The following CDYL2 variants were observed in gnomAD, a reference collection of about 807,000 sequenced individuals.
The protein encoded by CDYL2 is chromodomain Y like 2, also known as chromodomain Y-like protein 2.
Under a neutral mutation model 49.4 loss-of-function variants are expected in CDYL2, and 23 were observed. The ratio of observed to expected loss-of-function variants is 0.47; its 90% CI spans 0.34 to 0.66. CDYL2 has a LOEUF of 0.66. CDYL2 is among the 30% of genes least tolerant of loss of function. The pLI is 0.01. For missense variants in CDYL2, 678 were observed against 656.4 expected, an observed-to-expected ratio of 1.03 and a Z score of -0.36; for synonymous variants, 360 against 268.8, an observed-to-expected ratio of 1.34 and a Z score of -3.32.
At chr16:80,660,237 G>T (rs1908986719) in intron 2 of CDYL2, among the ~76,000 whole-genome samples, 1 of 151,926 alleles carries the variant, frequency 6.6e-6, no homozygotes, top group Non-Finnish European at 1.5e-5. Context: ...TAAAAAAATA[G>T]ATTTTTAAAA....
intron 1 of CDYL2, among the ~76,000 whole-genome samples, chr16:80,764,415 T>C (rs1288185744): frequency 1.3e-5 from 2 of 152,032 alleles, no homozygotes; most frequent in Non-Finnish European, 1.5e-5. Flanking sequence ...TGTCACAATC[T>C]CCCCAAATTA....
intron 1 of CDYL2, among the ~76,000 whole-genome samples, chr16:80,718,842 G>A (rs796709142): frequency 6.6e-5 from 10 of 152,302 alleles, no homozygotes; most frequent in African/African-American, 2.4e-4. Context: ...GTACTGACAA[G>A]AGCAGGGGAG....
At chr16:80,694,124 C>T (rs994074692) in intron 1 of CDYL2, among the ~76,000 whole-genome samples, 2 of 152,220 alleles carry the variant, frequency 1.3e-5, no homozygotes, top group African/African-American at 4.8e-5. Context: ...ACTGTTCCAC[C>T]TCAGATCATC....
intron 3 of CDYL2, 149 bp from the exon 4 acceptor site, chr16:80,621,084 C>G (rs1907065342): frequency 3.7e-6 from 3 of 813,246 alleles, no homozygotes; most frequent in South Asian, 4.6e-5. Flanking sequence ...CCCCTGAGTA[C>G]AAGCAAGAGT....
intron 1 of CDYL2, chr16:80,735,058 T>C (rs957884137): frequency 2.0e-5 from 3 of 152,242 alleles, no homozygotes; most frequent in Non-Finnish European, 4.4e-5. Context: ...CCTTAACTTC[T>C]TCCTTGATAC....
At chr16:80,615,935 G>A (rs1244058145) in intron 4 of CDYL2, among the ~76,000 whole-genome samples, 1 of 152,086 alleles carries the variant, frequency 6.6e-6, no homozygotes, top group African/African-American at 2.4e-5. Context: ...ATTGCATTAC[G>A]GGCCCTGCAG....
intron 2 of CDYL2, among the ~76,000 whole-genome samples, chr16:80,642,482 C>G (rs1485796516): frequency 5.3e-5 from 8 of 152,104 alleles, no homozygotes; most frequent in Non-Finnish European, 7.4e-5. Context: ...TTGTTTGTTT[C>G]TTTATGCAAA....
At chr16:80,699,173 G>A (rs1176360808) in intron 1 of CDYL2, among the ~76,000 whole-genome samples, 2 of 152,098 alleles carry the variant, frequency 1.3e-5, no homozygotes, top group African/African-American at 2.4e-5. Context: ...TCCAAAGGAA[G>A]GAAAATCAGT....
intron 2 of CDYL2, among the ~76,000 whole-genome samples, chr16:80,666,404 G>C (rs984824384): frequency 2.6e-5 from 4 of 152,196 alleles, no homozygotes; most frequent in Admixed American, 2.0e-4. Flanking sequence ...CTCTCTCATA[G>C]CAAAGAACTG....
intron 1 of CDYL2, among the ~76,000 whole-genome samples, chr16:80,717,860 T>G (rs1184807125): frequency 6.6e-6 from 1 of 152,220 alleles, no homozygotes; most frequent in Non-Finnish European, 1.5e-5. Context: ...TGTGACAAAG[T>G]TCCTAGAACA....
chr16:80,608,082 A>C lies in CDYL2; in HGVS notation c.1362+10T>G. On this transcript the variant is annotated intron_variant, in intron 6 of 6. Coordinates refer to ENST00000570137, the MANE Select transcript of CDYL2 (RefSeq NM_152342.4). ...AAAAGGACAAGCACGCAGGAGGCGC[A>C]GGAACTCACCACGGCACTGCAGGAT... 1 of 1,565,956 alleles carries C rather than the reference A, an allele frequency of 6.4e-7. No individual in the cohort carries two copies. The highest frequency in any genetic ancestry group is 8.7e-7 in the Non-Finnish European group (1 of 1,154,166).
chr16:80,662,305 A>T (rs2142436849), intron 2 of CDYL2, among the ~76,000 whole-genome samples: 1 of 152,178 alleles, frequency 6.6e-6, no homozygotes, highest in East Asian at 1.9e-4. Flanking sequence ...GTGGCTTGAG[A>T]CATCAGAACA....
At chr16:80,737,707 C>T (rs1050298171) in intron 1 of CDYL2, among the ~76,000 whole-genome samples, 1 of 152,164 alleles carries the variant, frequency 6.6e-6, no homozygotes, top group Non-Finnish European at 1.5e-5. Flanking sequence ...GGCTGGGCTG[C>T]ACATCCAGAG....
At chr16:80,672,868 AT>A (rs765918342) in intron 2 of CDYL2, among the ~76,000 whole-genome samples, 3 of 152,210 alleles carry the variant, frequency 2.0e-5, no homozygotes, top group Non-Finnish European at 4.4e-5. Flanking sequence ...AATTGCTGTT[AT>A]TGTCATTATT....
chr16:80,725,994 T>C (rs1272730511), intron 1 of CDYL2, among the ~76,000 whole-genome samples: 1 of 152,208 alleles, frequency 6.6e-6, no homozygotes, highest in Non-Finnish European at 1.5e-5. Context: ...AAGTGTTCCT[T>C]AGAATTTATT....
intron 1 of CDYL2, among the ~76,000 whole-genome samples, chr16:80,750,071 A>G (rs1597114683): frequency 7.4e-6 from 1 of 135,714 alleles, no homozygotes; most frequent in Admixed American, 7.5e-5. Context: ...AACATCACAC[A>G]CCGGGGCCTG....
At chr16:80,762,958 T>C (rs1309855288) in intron 1 of CDYL2, among the ~76,000 whole-genome samples, 2 of 152,202 alleles carry the variant, frequency 1.3e-5, no homozygotes, top group East Asian at 1.9e-4. Flanking sequence ...ATATATTTAA[T>C]AATGTGTCTT....
intron 1 of CDYL2, among the ~76,000 whole-genome samples, chr16:80,749,325 G>A (rs1380462893): frequency 2.0e-5 from 3 of 152,076 alleles, no homozygotes; most frequent in Non-Finnish European, 4.4e-5. Flanking sequence ...AAAGCAGTTG[G>A]TCACCTGCCT....
chr16:80,712,138 C>CATATATGTGTATATACATGTGTGTAT (rs1904629020), intron 1 of CDYL2, among the ~76,000 whole-genome samples: 1 of 108,472 alleles, frequency 9.2e-6, no homozygotes, highest in Non-Finnish European at 2.0e-5. Flanking sequence ...TATGTGTGTA[C>CATATATGTGTATATACATGTGTGTAT]ATATATGTGT....
Sources: allele counts gnomAD v4.1 joint callset (sites outside exome capture counted in the v4.1 genomes callset), GRCh38; gene constraint gnomAD v4.1.1; transcripts MANE v1.5; gene names NCBI Gene and HGNC (gene_info 2026-07-23, HGNC 2026-07-21).